Variants in SYN3 observed in about 807,000 individuals in gnomAD.
The protein encoded by SYN3 is synapsin III.
SYN3 carries 35 observed loss-of-function variants against 65.8 expected under a neutral mutation model. The observed-to-expected ratio is 0.53, with a 90% confidence interval of 0.41 to 0.70. SYN3 has a LOEUF of 0.70. Ranked by LOEUF, SYN3 falls within the 30% of genes least tolerant of loss-of-function variation. The probability of loss-of-function intolerance (pLI) is 0.00; values close to 1 mark genes in which losing one functional copy is unlikely to be tolerated. For synonymous variants in SYN3, 270 were observed against 292.9 expected (o/e 0.92, Z 0.80); for missense variants, 680 against 749.0 (o/e 0.91, Z 1.08).
chr22:32,874,663 C>A (rs1017680370), intron 4 of SYN3, among the ~76,000 whole-genome samples: 6 of 152,206 alleles, frequency 3.9e-5, no homozygotes, highest in Non-Finnish European at 5.9e-5. Context: ...TCATAACTGT[C>A]CCCTGGTCCC....
chr22:32,754,839 G>A (rs1197411300), intron 6 of SYN3, among the ~76,000 whole-genome samples: 1 of 152,206 alleles, frequency 6.6e-6, no homozygotes, highest in African/African-American at 2.4e-5. Context: ...GCTTTTCCTG[G>A]TGGGTGGAGC....
At chr22:32,643,515 CT>C (rs1433172238) in intron 6 of SYN3, among the ~76,000 whole-genome samples, 1 of 112,784 alleles carries the variant, frequency 8.9e-6, no homozygotes, top group African/African-American at 3.5e-5. Flanking sequence ...TGTAAGAGAT[CT>C]CTAAGAATAA....
chr22:32,655,572 C>A (rs978891435), intron 6 of SYN3, among the ~76,000 whole-genome samples: 2 of 152,100 alleles, frequency 1.3e-5, no homozygotes, highest in African/African-American at 4.8e-5. Context: ...AGATCAGTAG[C>A]GGCATTAGAT....
intron 12 of SYN3, 138 bp downstream of exon 12, chr22:32,527,780 A>C: frequency 5.6e-6 from 4 of 708,098 alleles, no homozygotes; most frequent in Non-Finnish European, 9.3e-6. Flanking sequence ...GACCAACCCC[A>C]TAGTCTCATT....
At chr22:32,782,137 C>T (rs919433727) in intron 6 of SYN3, among the ~76,000 whole-genome samples, 3 of 151,404 alleles carry the variant, frequency 2.0e-5, no homozygotes, top group Admixed American at 1.3e-4. Flanking sequence ...GGCATGATCT[C>T]GGCTCACTGC....
intron 6 of SYN3, among the ~76,000 whole-genome samples, chr22:32,685,973 TA>T (rs1269527482): frequency 6.6e-6 from 1 of 152,136 alleles, no homozygotes; most frequent in Non-Finnish European, 1.5e-5. Context: ...AAAAAGTCAT[TA>T]AAAAACACAT....
At chr22:32,585,799 C>T (rs1227982826) in intron 7 of SYN3, among the ~76,000 whole-genome samples, 1 of 151,968 alleles carries the variant, frequency 6.6e-6, no homozygotes, top group African/African-American at 2.4e-5. Context: ...TTTTAGCTTT[C>T]AAAGGCAGGA....
At chr22:32,823,851 T>C (rs543443820) in intron 6 of SYN3, among the ~76,000 whole-genome samples, 25 of 152,220 alleles carry the variant, frequency 1.6e-4, no homozygotes, top group African/African-American at 5.5e-4. Flanking sequence ...TCCTATAAGA[T>C]GGTACATCCC....
intron 6 of SYN3, among the ~76,000 whole-genome samples, chr22:32,842,621 A>G (rs774649161): frequency 6.6e-6 from 1 of 152,232 alleles, no homozygotes; most frequent in Non-Finnish European, 1.5e-5. Flanking sequence ...AGGGTTACAA[A>G]GTACCTTTGT....
chr22:32,995,847 G>C (rs1040551771), intron 2 of SYN3, among the ~76,000 whole-genome samples: 3 of 152,148 alleles, frequency 2.0e-5, no homozygotes, highest in Non-Finnish European at 4.4e-5. Context: ...ATTTTTAGTA[G>C]AGATGGGGTT....
chr22:32,546,855 CCTTCT>C (rs1395733190), intron 7 of SYN3, among the ~76,000 whole-genome samples: 2 of 151,924 alleles, frequency 1.3e-5, no homozygotes, highest in Admixed American at 1.3e-4. Flanking sequence ...CCCTCTTCTC[CCTTCT>C]CTTATCTCCT....
At chr22:32,781,004 C>CTTCTTTCT in intron 6 of SYN3, among the ~76,000 whole-genome samples, 1 of 92,998 alleles carries the variant, frequency 1.1e-5, no homozygotes, top group South Asian at 3.4e-4. Context: ...CTCTCACCCC[C>CTTCTTTCT]TTCTTTCTTT....
At chr22:32,667,255 C>T (rs1341778668) in intron 6 of SYN3, among the ~76,000 whole-genome samples, 1 of 151,980 alleles carries the variant, frequency 6.6e-6, no homozygotes, top group Non-Finnish European at 1.5e-5. Context: ...TCACTCCCTT[C>T]CTCCCTTGCT....
intron 6 of SYN3, among the ~76,000 whole-genome samples, chr22:32,612,366 C>T (rs1274250358): frequency 6.6e-6 from 1 of 152,102 alleles, no homozygotes; most frequent in Non-Finnish European, 1.5e-5. Flanking sequence ...GAGCCCTTAA[C>T]CGGTAGGATC....
chr22:32,840,262 T>G (rs1017416406), intron 6 of SYN3, among the ~76,000 whole-genome samples: 3 of 152,194 alleles, frequency 2.0e-5, no homozygotes, highest in Non-Finnish European at 2.9e-5. Flanking sequence ...AAACCAAGAT[T>G]AATATTTTTA....
intron 6 of SYN3, among the ~76,000 whole-genome samples, chr22:32,699,539 G>A (rs1342413363): frequency 1.3e-5 from 2 of 152,102 alleles, no homozygotes; most frequent in African/African-American, 4.8e-5. Context: ...TGCAGGGATG[G>A]GGGTAGGTGC....
chr22:32,660,210 G>A (rs1336572936), intron 6 of SYN3, among the ~76,000 whole-genome samples: 1 of 152,154 alleles, frequency 6.6e-6, no homozygotes, highest in East Asian at 1.9e-4. Flanking sequence ...TTTCCTCCAA[G>A]TTCACCTCCT....
At chr22:32,752,016 T>C (rs1168220130) in intron 6 of SYN3, among the ~76,000 whole-genome samples, 7 of 152,246 alleles carry the variant, frequency 4.6e-5, no homozygotes, top group Non-Finnish European at 1.0e-4. Context: ...TGCCACTTCC[T>C]CATTAGATGA....
At chr22:32,700,058 G>C (rs2060790893) in intron 6 of SYN3, among the ~76,000 whole-genome samples, 1 of 152,134 alleles carries the variant, frequency 6.6e-6, no homozygotes, top group Admixed American at 6.5e-5. Flanking sequence ...CTAGAACAAA[G>C]CTTGTTCCAA....
Sources: gnomAD v4.1 joint callset for allele counts (sites outside exome capture counted in the v4.1 genomes callset) on GRCh38, gnomAD v4.1.1 for gene constraint, MANE v1.5 for transcripts, NCBI Gene and HGNC (gene_info 2026-07-23, HGNC 2026-07-21) for gene names.